Variants in POLB observed in about 807,000 individuals in gnomAD.
POLB encodes 5'-dRP lyase.
In POLB, 37 loss-of-function variants were observed where a neutral mutation model predicts 52.7. The observed-to-expected ratio is 0.70, with a 90% confidence interval of 0.54 to 0.92. The LOEUF is 0.92. Ranked by LOEUF, POLB falls within the 40% of genes least tolerant of loss-of-function variation. The pLI, the probability that POLB is intolerant of heterozygous loss-of-function variation, is 0.00. For missense variants in POLB, 313 were observed against 400.8 expected (o/e 0.78, Z 1.87); for synonymous variants, 138 against 131.3 (o/e 1.05, Z -0.35).
At chr8:42,354,864 A>T (rs1033427788) in intron 6 of POLB, among the ~76,000 whole-genome samples, 5 of 152,116 alleles carry the variant, frequency 3.3e-5, no homozygotes, top group African/African-American at 1.2e-4. Flanking sequence ...GAGCACAATG[A>T]CTGCACAAAT....
At chr8:42,370,025 T>C in intron 13 of POLB, 37 bp downstream of exon 13, 1 of 1,509,930 alleles carries the variant, frequency 6.6e-7, no homozygotes, top group Non-Finnish European at 9.2e-7. Flanking sequence ...TCATCTCTCA[T>C]CTGGAGAGAA....
chr8:42,368,659 C>A lies in POLB; in HGVS notation c.709-612C>A, dbSNP rs117070736. ...TTGTAGAAGTATAATGAAAAATTAC[C>A]TGTGAAGGAAGAAAGTGATCCCCTC... On this transcript the variant is annotated intron_variant, in intron 11 of 13. Coordinates refer to ENST00000265421, the MANE Select transcript of POLB (RefSeq NM_002690.3). 3.9e-3 allele frequency among the ~76,000 whole-genome samples: 597 copies of A among 152,156 alleles called. 3 individuals carry two copies. Among genetic ancestry groups the A allele is most frequent in the Non-Finnish European group, 6.1e-3 (416 of 67,980 alleles).
intron 2 of POLB, chr8:42,342,089 C>T: frequency 8.9e-7 from 1 of 1,124,692 alleles, no homozygotes; most frequent in African/African-American, 1.5e-5. Flanking sequence ...GAATTCCTTG[C>T]TTTCAGAATC....
chr8:42,357,128 AT>A, intron 7 of POLB, 40 bp from the exon 8 acceptor site: 1 of 1,107,142 alleles, frequency 9.0e-7, no homozygotes, highest in Non-Finnish European at 1.4e-6. Flanking sequence ...GGAGATTTAA[AT>A]TTTACGAAAA....
chr8:42,349,576 G>A (rs1330951206), intron 4 of POLB, among the ~76,000 whole-genome samples: 2 of 152,140 alleles, frequency 1.3e-5, no homozygotes, highest in Non-Finnish European at 2.9e-5. Context: ...TTTTAGTAGA[G>A]ACGGGGTTTC....
chr8:42,354,638 G>C, intron 6 of POLB: 1 of 401,990 alleles, frequency 2.5e-6, no homozygotes. Context: ...CCGCCACCTG[G>C]GTTCAAGTGA....
chr8:42,361,499 T>C (rs1390639184), intron 10 of POLB, 134 bp downstream of exon 10: 6 of 665,718 alleles, frequency 9.0e-6, no homozygotes, highest in African/African-American at 9.0e-5. Flanking sequence ...TTTGTACTGA[T>C]TGAATTCTGC....
chr8:42,350,234 G>A (rs1344086368), intron 5 of POLB, among the ~76,000 whole-genome samples, 169 bp downstream of exon 5: 4 of 152,100 alleles, frequency 2.6e-5, no homozygotes, highest in African/African-American at 4.8e-5. Flanking sequence ...TTCAGATAGT[G>A]TCTCTACTGT....
chr8:42,341,428 T>G (rs922816270), intron 2 of POLB, among the ~76,000 whole-genome samples: 1 of 152,170 alleles, frequency 6.6e-6, no homozygotes. Context: ...TAGAGAGAAG[T>G]TCAAATCCAA....
chr8:42,340,925 G>A (rs911419649), intron 2 of POLB, among the ~76,000 whole-genome samples: 9 of 152,196 alleles, frequency 5.9e-5, no homozygotes, highest in African/African-American at 2.2e-4. Flanking sequence ...CAGAAAGGAG[G>A]TGTTTAGTTT....
At chr8:42,361,059 A>C in intron 9 of POLB, 1 of 662,498 alleles carries the variant, frequency 1.5e-6, no homozygotes, top group Non-Finnish European at 2.8e-6. Flanking sequence ...CGTTGTATGC[A>C]ATGTATATCT....
intron 11 of POLB, among the ~76,000 whole-genome samples, chr8:42,363,776 C>T (rs188016883): frequency 1.3e-3 from 194 of 151,732 alleles, no homozygotes; most frequent in African/African-American, 4.5e-3. Context: ...GGGGAAGAAA[C>T]GTTACATGGA....
At chr8:42,342,619 C>G in intron 2 of POLB, 1 of 665,854 alleles carries the variant, frequency 1.5e-6, no homozygotes, top group Non-Finnish European at 2.7e-6. Flanking sequence ...TTCTTAACAA[C>G]TTTAACAAAG....
intron 11 of POLB, 96 bp from the exon 12 acceptor site, chr8:42,369,175 A>G: frequency 1.4e-6 from 1 of 691,370 alleles, no homozygotes; most frequent in South Asian, 1.8e-5. Flanking sequence ...TAGAGCTGCT[A>G]ACATTAAAAA....
chr8:42,349,457 C>T (rs955839398), intron 4 of POLB, among the ~76,000 whole-genome samples: 3 of 152,250 alleles, frequency 2.0e-5, no homozygotes, highest in Non-Finnish European at 4.4e-5. Flanking sequence ...GGCGCGATCT[C>T]GGCTCACTGC....
intron 9 of POLB, among the ~76,000 whole-genome samples, chr8:42,358,741 T>G (rs1823489933): frequency 6.6e-6 from 1 of 152,142 alleles, no homozygotes; most frequent in South Asian, 2.1e-4. Flanking sequence ...AACATTGGAC[T>G]GGGGTCAAAA....
At chr8:42,346,122 G>C (rs1319497304) in intron 3 of POLB, among the ~76,000 whole-genome samples, 2 of 151,870 alleles carry the variant, frequency 1.3e-5, no homozygotes, top group Non-Finnish European at 2.9e-5. Flanking sequence ...GGGTTTCACT[G>C]TGTTGGCCAG....
At chr8:42,371,517 C>A in intron 13 of POLB, 46 bp from the exon 14 acceptor site, 1 of 1,138,836 alleles carries the variant, frequency 8.8e-7, no homozygotes, top group Non-Finnish European at 1.3e-6. Context: ...TATAACTAAA[C>A]TATAAAACTG....
intron 2 of POLB, chr8:42,342,560 CA>C: frequency 1.4e-6 from 1 of 737,626 alleles, no homozygotes; most frequent in African/African-American, 1.7e-5. Context: ...TCAGTTTTAC[CA>C]TCTTGTCATC....
Sources: allele counts gnomAD v4.1 joint callset (sites outside exome capture counted in the v4.1 genomes callset), GRCh38; gene constraint gnomAD v4.1.1; transcripts MANE v1.5; gene names NCBI Gene and HGNC (gene_info 2026-07-23, HGNC 2026-07-21).